The following NKAIN2 variants were observed in gnomAD, a reference collection of about 807,000 sequenced individuals.
NKAIN2 encodes sodium/potassium-transporting ATPase subunit beta-1-interacting protein 2.
A neutral mutation model predicts 32.6 loss-of-function variants in NKAIN2; 14 were observed. The observed-to-expected ratio is 0.43, with a 90% CI of 0.28 to 0.67. The LOEUF (loss-of-function observed/expected upper bound fraction) is 0.67, where lower values mean the gene tolerates loss of function less well. Ranked by LOEUF, NKAIN2 falls within the 30% of genes least tolerant of loss-of-function variation. The probability of loss-of-function intolerance (pLI) is 0.17; values close to 1 mark genes in which losing one functional copy is unlikely to be tolerated. For synonymous variants in NKAIN2, 80 were observed against 87.2 expected (o/e 0.92, Z 0.46); for missense variants, 198 against 258.3 (o/e 0.77, Z 1.60).
chr6:124,729,684 AC>A (rs1240879393), intron 4 of NKAIN2, among the ~76,000 whole-genome samples: 1 of 150,752 alleles, frequency 6.6e-6, no homozygotes, highest in African/African-American at 2.4e-5. Flanking sequence ...CTCCTATTCA[AC>A]ATAGTGTTGG....
At chr6:124,504,263 T>A (rs1195990469) in intron 3 of NKAIN2, among the ~76,000 whole-genome samples, 2 of 152,168 alleles carry the variant, frequency 1.3e-5, no homozygotes, top group African/African-American at 4.8e-5. Context: ...AAATCTTTGC[T>A]GTGTTCTCAC....
intron 1 of NKAIN2, among the ~76,000 whole-genome samples, chr6:123,915,586 C>T (rs1247652207): frequency 6.6e-6 from 1 of 152,162 alleles, no homozygotes; most frequent in African/African-American, 2.4e-5. Flanking sequence ...GTGTGTTGCT[C>T]AGGCGCAATT....
intron 1 of NKAIN2, among the ~76,000 whole-genome samples, chr6:123,853,753 G>A (rs1443312764): frequency 3.3e-5 from 5 of 151,186 alleles, no homozygotes; most frequent in Admixed American, 6.6e-5. Flanking sequence ...ACATTTGAAT[G>A]AAATTGTAAA....
chr6:123,812,764 CT>C (rs1773530195), intron 1 of NKAIN2, among the ~76,000 whole-genome samples: 1 of 152,184 alleles, frequency 6.6e-6, no homozygotes, highest in Non-Finnish European at 1.5e-5. Context: ...CTCATACTGA[CT>C]TTTGTTTTTT....
At chr6:123,976,372 C>CATAT (rs60189624) in intron 1 of NKAIN2, among the ~76,000 whole-genome samples, 82 of 10,864 alleles carry the variant, frequency 7.5e-3, no homozygotes, top group South Asian at 0.016. Context: ...TATATATTCC[C>CATAT]ATATATATAT....
At chr6:124,418,450 G>T (rs1774594654) in intron 3 of NKAIN2, among the ~76,000 whole-genome samples, 1 of 148,294 alleles carries the variant, frequency 6.7e-6, no homozygotes, top group Non-Finnish European at 1.5e-5. Context: ...TTCTGAAATG[G>T]GAACTATACA....
chr6:124,652,653 G>A (rs955769731), intron 3 of NKAIN2, among the ~76,000 whole-genome samples: 35 of 152,028 alleles, frequency 2.3e-4, no homozygotes, highest in Non-Finnish European at 1.0e-4. Flanking sequence ...TCAAGGGGCC[G>A]GCATCCATCA....
intron 4 of NKAIN2, among the ~76,000 whole-genome samples, chr6:124,676,082 C>T (rs542896527): frequency 2.6e-5 from 4 of 152,024 alleles, no homozygotes; most frequent in East Asian, 3.9e-4. Flanking sequence ...TCCTTTGTCC[C>T]GTTGGTTGTT....
intron 4 of NKAIN2, among the ~76,000 whole-genome samples, chr6:124,778,361 A>T (rs1261799943): frequency 6.6e-6 from 1 of 152,040 alleles, no homozygotes; most frequent in Non-Finnish European, 1.5e-5. Context: ...TACTTCAAAA[A>T]AAAAAAGCCC....
intron 1 of NKAIN2, among the ~76,000 whole-genome samples, chr6:124,182,009 C>A (rs901008385): frequency 6.6e-6 from 1 of 152,182 alleles, no homozygotes; most frequent in African/African-American, 2.4e-5. Context: ...TAAAGACATA[C>A]ATGAGAGTGG....
At chr6:123,888,687 T>A (rs988980354) in intron 1 of NKAIN2, among the ~76,000 whole-genome samples, 1 of 152,134 alleles carries the variant, frequency 6.6e-6, no homozygotes. Flanking sequence ...CTGGTCTTTG[T>A]TTTCTTTGGT....
At chr6:124,354,944 C>A (rs1798902187) in intron 2 of NKAIN2, among the ~76,000 whole-genome samples, 1 of 150,654 alleles carries the variant, frequency 6.6e-6, no homozygotes, top group African/African-American at 2.4e-5. Context: ...GTGGTGCGCA[C>A]CTGTAGTCCC....
At chr6:124,429,592 G>A (rs1477879806) in intron 3 of NKAIN2, among the ~76,000 whole-genome samples, 1 of 152,138 alleles carries the variant, frequency 6.6e-6, no homozygotes, top group African/African-American at 2.4e-5. Flanking sequence ...TATCATTGGT[G>A]CTAAGACTGT....
intron 3 of NKAIN2, among the ~76,000 whole-genome samples, chr6:124,488,621 A>T (rs1777745014): frequency 6.6e-6 from 1 of 152,048 alleles, no homozygotes; most frequent in Admixed American, 6.6e-5. Flanking sequence ...GGTTTCTTCA[A>T]ATAAGCATAT....
chr6:124,502,057 T>C (rs750159350), intron 3 of NKAIN2, among the ~76,000 whole-genome samples: 17 of 152,084 alleles, frequency 1.1e-4, no homozygotes, highest in Admixed American at 2.0e-4. Context: ...TGAGCCGAGA[T>C]AGCACCACTG....
At chr6:124,319,350 AGTT>A (rs1022003514) in intron 2 of NKAIN2, among the ~76,000 whole-genome samples, 2 of 152,112 alleles carry the variant, frequency 1.3e-5, no homozygotes, top group Non-Finnish European at 2.9e-5. Flanking sequence ...TTTCATACCT[AGTT>A]GTTCTCCAAA....
intron 3 of NKAIN2, among the ~76,000 whole-genome samples, chr6:124,420,030 A>G (rs536486382): frequency 6.6e-6 from 1 of 152,252 alleles, no homozygotes; most frequent in South Asian, 2.1e-4. Flanking sequence ...AAGAATTAGA[A>G]AAAATATACT....
chr6:123,924,767 A>G (rs1775930097), intron 1 of NKAIN2, among the ~76,000 whole-genome samples: 1 of 152,106 alleles, frequency 6.6e-6, no homozygotes, highest in Non-Finnish European at 1.5e-5. Flanking sequence ...TCATGATATC[A>G]TTATTATTTT....
intron 1 of NKAIN2, among the ~76,000 whole-genome samples, chr6:124,239,886 A>T (rs1279572834): frequency 3.3e-5 from 5 of 152,250 alleles, no homozygotes; most frequent in African/African-American, 1.2e-4. Context: ...ACAAGAAATA[A>T]CTAAGATCAG....
Sources: allele counts gnomAD v4.1 joint callset (sites outside exome capture counted in the v4.1 genomes callset), GRCh38; gene constraint gnomAD v4.1.1; transcripts MANE v1.5; gene names NCBI Gene and HGNC (gene_info 2026-07-23, HGNC 2026-07-21).